Variants in GUSB observed in about 807,000 individuals in gnomAD.
GUSB encodes the protein beta-glucuronidase.
Under a neutral mutation model 74.6 loss-of-function variants are expected in GUSB, and 51 were observed. The ratio of observed to expected loss-of-function variants is 0.68; its 90% confidence interval spans 0.55 to 0.86. The LOEUF (loss-of-function observed/expected upper bound fraction) is 0.86, where lower values mean the gene tolerates loss of function less well. GUSB is among the 40% of genes least tolerant of loss of function. GUSB has a pLI of 0.00. For synonymous variants in GUSB, 360 were observed against 348.3 expected, an observed-to-expected ratio of 1.03 and a Z score of -0.37; for missense variants, 736 against 853.7, an observed-to-expected ratio of 0.86 and a Z score of 1.72.
intron 9 of GUSB, 95 bp downstream of exon 9, chr7:65,970,187 C>A (rs988345919): frequency 8.9e-6 from 7 of 787,850 alleles, no homozygotes; most frequent in African/African-American, 1.7e-5. Context: ...CCCAGACTGG[C>A]AGCGCATGGT....
intron 9 of GUSB, among the ~76,000 whole-genome samples, chr7:65,968,612 G>A (rs1199871663): frequency 6.6e-6 from 1 of 152,198 alleles, no homozygotes; most frequent in Non-Finnish European, 1.5e-5. Context: ...TGGAGACAGA[G>A]TCTCGCTCTG....
chr7:65,978,313 T>G (rs948336858), intron 4 of GUSB, among the ~76,000 whole-genome samples: 6 of 152,010 alleles, frequency 3.9e-5, no homozygotes, highest in Non-Finnish European at 5.9e-5. Flanking sequence ...CTGGACGTGG[T>G]GGCACACGCC....
At position 65,982,046 on chromosome 7, in the gene GUSB, G is replaced by C. The variant is rs764321712; in HGVS notation, c.138C>G (p.Ser46Arg). Reference sequence around the variant, plus strand: ...GGTTGTCAGAGAAGTCGGCGCGGAAGCTCCAGAGGCCGTCCAGCTCCTTGC... The same window carrying C: ...GGTTGTCAGAGAAGTCGGCGCGGAACCTCCAGAGGCCGTCCAGCTCCTTGC... ...RECKELDGLWSFRADFSDNRR... is the reference protein window; with the variant it reads ...RECKELDGLWRFRADFSDNRR... The change falls in exon 1 of 12, where the codon AGC (serine) becomes AGG (arginine). Residue 46 changes from serine to arginine, a missense_variant. Ser to Arg is a moderately radical substitution (Grantham distance 110, BLOSUM62 -1). Transcript: ENST00000304895. 6.2e-7 allele frequency: 1 copy of C among 1,610,804 alleles called. No homozygotes were observed. Among genetic ancestry groups the C allele is most frequent in the South Asian group, 1.1e-5 (1 of 90,874 alleles).
intron 1 of GUSB, among the ~76,000 whole-genome samples, chr7:65,981,219 T>C (rs1420548854): frequency 7.6e-6 from 1 of 131,656 alleles, no homozygotes; most frequent in Admixed American, 9.2e-5. Context: ...TTTTTTTTTT[T>C]AAGTTTTTTT....
Position 65,982,067 on chromosome 7 carries a change from C to CTT in GUSB, c.115_116dup (p.Glu40ArgfsTer67). On this transcript the variant is annotated frameshift_variant, in exon 1 of 12. Coordinates refer to ENST00000304895, the MANE Select transcript of GUSB (RefSeq NM_000181.4). LOFTEE classifies it high-confidence loss of function. ...GGAAGCTCCAGAGGCCGTCCAGCTC[C>CTT]TTGCACTCCCGCGACGGGCTCTCCT... is the stretch of plus-strand genomic sequence containing the variant. 1 of 1,609,312 alleles carries CTT rather than the reference C, an allele frequency of 6.2e-7. No homozygotes were observed. Among genetic ancestry groups the CTT allele is most frequent in the Non-Finnish European group, 8.5e-7 (1 of 1,178,600 alleles).
intron 8 of GUSB, 123 bp from the exon 9 acceptor site, chr7:65,970,489 C>T (rs1435932275): frequency 8.8e-6 from 6 of 681,802 alleles, no homozygotes; most frequent in African/African-American, 5.3e-5. Flanking sequence ...CGATGGTTCA[C>T]ACCTGTAATC....
At position 65,974,026 on chromosome 7, in the gene GUSB, G is replaced by A. The variant is rs373863923; in HGVS notation, c.1391+269C>T. The stretch of plus-strand genomic sequence containing the variant: ...GCAGGAGAATCACTTGAACCCAGGA[G>A]GCAGAGGTTGTAATGAGCGGAGATC... On this transcript the variant is annotated intron_variant, in intron 8 of 11. Transcript: ENST00000304895. 5.9e-5 allele frequency among the ~76,000 whole-genome samples: 9 copies of A among 152,126 alleles called. No individual in the cohort carries two copies. In the East Asian group the frequency reaches 9.7e-4, roughly 16 times the overall value.
chr7:65,964,371 C>T lies in GUSB; in HGVS notation c.1741G>A (p.Val581Met), dbSNP rs150304382. 19 of 1,611,768 alleles carry T rather than the reference C, an allele frequency of 1.2e-5. No homozygotes were observed. Among genetic ancestry groups the T allele is most frequent in the Middle Eastern group, 2.2e-4 (1 of 4,458 alleles). Residue 581 changes from valine (V) to methionine (M), a missense_variant, in exon 11 of 12, where the codon GTG becomes ATG. Physicochemically the swap from Val to Met is conservative, Grantham distance 21. Coordinates refer to ENST00000304895, the MANE Select transcript of GUSB (RefSeq NM_000181.4). ...LGLDQKRRKYVVGELIWNFAD... is the reference protein window; with the variant it reads ...LGLDQKRRKYMVGELIWNFAD... ...AAATTCCAAATGAGCTCTCCAACCA[C>T]GTATTTTCTGCGTTTTTGATCCAGA... is the stretch of plus-strand genomic sequence containing the variant.
chr7:65,970,003 A>G (rs1469637314), intron 9 of GUSB, among the ~76,000 whole-genome samples: 1 of 152,136 alleles, frequency 6.6e-6, no homozygotes, highest in African/African-American at 2.4e-5. Context: ...CCCAAAGACC[A>G]TCTGTGAAAA....
intron 1 of GUSB, chr7:65,980,788 T>C (rs2116047726): frequency 2.9e-6 from 1 of 348,330 alleles, no homozygotes; most frequent in Non-Finnish European, 5.6e-6. Context: ...GTGAGTGGGG[T>C]GCACACTGGC....
intron 1 of GUSB, among the ~76,000 whole-genome samples, chr7:65,981,015 G>A (rs1261669355): frequency 6.6e-6 from 1 of 152,178 alleles, no homozygotes; most frequent in African/African-American, 2.4e-5. Context: ...CCTCGGCAGA[G>A]CTGACCTCAG....
In GUSB at chr7:65,970,335, G is replaced by A. The variant is rs1791109749; in HGVS notation, c.1423C>T (p.Pro475Ser). 2 of 1,613,052 alleles carry A rather than the reference G, an allele frequency of 1.2e-6. No individual in the cohort carries two copies. The highest frequency in any genetic ancestry group is 2.7e-5 in the African/African-American group (2 of 74,738). ...MVIAHTKSLD[P>S]SRPVTFVSNS... is the part of the protein sequence containing the mutation. ...CTCACAAAGGTCACAGGCCGGGAGG[G>A]GTCCAAGGATTTGGTGTGAGCGATC... The change falls in exon 9 of 12, where the codon CCC (proline) becomes TCC (serine). Residue 475 changes from proline (P) to serine (S), a missense_variant. Physicochemically the swap from Pro to Ser is moderately conservative, Grantham distance 74. Transcript: ENST00000304895.
chr7:65,965,942 G>A (rs559092755), intron 10 of GUSB, among the ~76,000 whole-genome samples: 21 of 151,928 alleles, frequency 1.4e-4, no homozygotes, highest in South Asian at 1.2e-3. Context: ...AGGCCAAGGC[G>A]GGCGGATCAC....
intron 9 of GUSB, among the ~76,000 whole-genome samples, chr7:65,970,007 G>GTGAA (rs1791088342): frequency 6.6e-6 from 1 of 152,136 alleles, no homozygotes; most frequent in South Asian, 2.1e-4. Context: ...AAGACCATCT[G>GTGAA]TGAAAACAGA....
intron 9 of GUSB, among the ~76,000 whole-genome samples, chr7:65,968,250 A>T (rs1052723806): frequency 6.6e-6 from 1 of 150,942 alleles, no homozygotes. Flanking sequence ...AAAAAAAAAA[A>T]ACCTAGAACG....
intron 10 of GUSB, among the ~76,000 whole-genome samples, chr7:65,965,702 A>C (rs1790787964): frequency 6.6e-6 from 1 of 151,920 alleles, no homozygotes; most frequent in African/African-American, 2.4e-5. Flanking sequence ...ACTAATTTTA[A>C]ATTTTTTGTA....
intron 9 of GUSB, among the ~76,000 whole-genome samples, chr7:65,969,924 A>T (rs1791083339): frequency 6.6e-6 from 1 of 152,178 alleles, no homozygotes; most frequent in African/African-American, 2.4e-5. Flanking sequence ...CCATCTCCCT[A>T]TGCCCAGCCT....
intron 11 of GUSB, among the ~76,000 whole-genome samples, chr7:65,962,136 G>C (rs1009753588): frequency 6.6e-6 from 1 of 152,156 alleles, no homozygotes; most frequent in Non-Finnish European, 1.5e-5. Context: ...AAAAGCCTTG[G>C]GCCTTTCTGA....
intron 1 of GUSB, chr7:65,981,726 G>A (rs1792036546): frequency 2.0e-6 from 1 of 494,192 alleles, no homozygotes; most frequent in Admixed American, 3.6e-5. Flanking sequence ...ATACTGCACA[G>A]ACTCAGCCTT....
Sources: allele counts gnomAD v4.1 joint callset (sites outside exome capture counted in the v4.1 genomes callset), GRCh38; gene constraint gnomAD v4.1.1; transcripts MANE v1.5; gene names NCBI Gene and HGNC (gene_info 2026-07-23, HGNC 2026-07-21).